Variants in OPCML observed in about 807,000 individuals in gnomAD.
OPCML encodes opioid-binding protein/cell adhesion molecule.
In OPCML, 13 loss-of-function variants were observed where a neutral mutation model predicts 37.8. The observed-to-expected ratio is 0.34, with a 90% CI of 0.22 to 0.55. The LOEUF (loss-of-function observed/expected upper bound fraction) is 0.55, where lower values mean the gene tolerates loss of function less well. OPCML is among the 20% of genes least tolerant of loss of function. The pLI is 0.91. For missense variants in OPCML, 341 were observed against 435.6 expected, an observed-to-expected ratio of 0.78 and a Z score of 1.93; for synonymous variants, 176 against 168.8, an observed-to-expected ratio of 1.04 and a Z score of -0.33.
intron 4 of OPCML, among the ~76,000 whole-genome samples, chr11:132,457,816 T>A (rs536709159): frequency 6.6e-6 from 1 of 152,340 alleles, no homozygotes; most frequent in East Asian, 1.9e-4. Flanking sequence ...TCTCTTCCTA[T>A]GTTATGCTCA....
chr11:132,818,098 T>C (rs558055446), intron 2 of OPCML, among the ~76,000 whole-genome samples: 2 of 152,198 alleles, frequency 1.3e-5, no homozygotes, highest in Admixed American at 1.3e-4. Flanking sequence ...ACTGACAATC[T>C]GGGGCTATAC....
intron 1 of OPCML, among the ~76,000 whole-genome samples, chr11:133,306,836 C>T (rs1272032231): frequency 6.6e-6 from 1 of 152,120 alleles, no homozygotes; most frequent in South Asian, 2.1e-4. Flanking sequence ...TTTTCCATGC[C>T]AGAATCTGAT....
intron 2 of OPCML, among the ~76,000 whole-genome samples, chr11:132,937,435 G>A (rs1364350212): frequency 6.6e-6 from 1 of 152,090 alleles, no homozygotes. Context: ...TATTTCTAAT[G>A]CTTTAAAACG....
intron 1 of OPCML, chr11:133,026,466 C>T: frequency 1.0e-6 from 1 of 985,426 alleles, no homozygotes; most frequent in Non-Finnish European, 1.2e-6. Flanking sequence ...TTTGCAACCT[C>T]ATCCTGAACA....
At chr11:133,074,990 C>T (rs118174355) in intron 1 of OPCML, among the ~76,000 whole-genome samples, 1,774 of 152,214 alleles carry the variant, frequency 0.012, 17 homozygotes, top group Non-Finnish European at 0.017. Flanking sequence ...GGAAGTGGCA[C>T]CTAGGGCAAG....
chr11:132,961,948 T>A (rs1212840483), intron 1 of OPCML, among the ~76,000 whole-genome samples: 2 of 152,232 alleles, frequency 1.3e-5, no homozygotes, highest in Non-Finnish European at 2.9e-5. Flanking sequence ...GCACTCCCTC[T>A]GTCTTCTGGA....
At chr11:133,450,125 G>A (rs751611840) in intron 1 of OPCML, among the ~76,000 whole-genome samples, 8 of 151,776 alleles carry the variant, frequency 5.3e-5, no homozygotes, top group Non-Finnish European at 1.0e-4. Flanking sequence ...GAATTGCTGA[G>A]AAGCTCATAC....
At chr11:132,977,454 G>C (rs937725112) in intron 1 of OPCML, among the ~76,000 whole-genome samples, 1 of 152,196 alleles carries the variant, frequency 6.6e-6, no homozygotes, top group Non-Finnish European at 1.5e-5. Context: ...CTCATAGATA[G>C]CTATCTACTC....
intron 1 of OPCML, among the ~76,000 whole-genome samples, chr11:133,315,045 T>C (rs369549968): frequency 6.6e-6 from 1 of 152,254 alleles, no homozygotes; most frequent in East Asian, 1.9e-4. Context: ...CTGAACCATG[T>C]AAAACCTAAC....
At chr11:133,296,467 T>C (rs1391824826) in intron 1 of OPCML, among the ~76,000 whole-genome samples, 1 of 152,186 alleles carries the variant, frequency 6.6e-6, no homozygotes, top group Admixed American at 6.5e-5. Context: ...ACTCTGATCA[T>C]AGAGGTGATA....
intron 4 of OPCML, among the ~76,000 whole-genome samples, chr11:132,498,279 G>A (rs1210250446): frequency 3.9e-5 from 6 of 152,208 alleles, no homozygotes; most frequent in African/African-American, 1.4e-4. Flanking sequence ...TAATGGTCCA[G>A]CTGAAGTCCT....
At chr11:132,510,654 T>G (rs1368914634) in intron 4 of OPCML, among the ~76,000 whole-genome samples, 2 of 152,208 alleles carry the variant, frequency 1.3e-5, no homozygotes, top group African/African-American at 4.8e-5. Context: ...GCTGCCACCA[T>G]GTAAGAAATA....
intron 1 of OPCML, among the ~76,000 whole-genome samples, chr11:133,193,863 AT>A (rs1344936030): frequency 6.6e-6 from 1 of 152,214 alleles, no homozygotes; most frequent in Non-Finnish European, 1.5e-5. Context: ...AATTTTAAGA[AT>A]TACAATAATA....
intron 3 of OPCML, among the ~76,000 whole-genome samples, chr11:132,651,335 G>T (rs1469272801): frequency 1.3e-5 from 2 of 152,188 alleles, no homozygotes; most frequent in African/African-American, 4.8e-5. Context: ...GTCTTGGAAA[G>T]GTGTGCCTTT....
intron 1 of OPCML, among the ~76,000 whole-genome samples, chr11:132,944,336 C>T (rs1276939886): frequency 1.3e-5 from 2 of 152,184 alleles, no homozygotes; most frequent in Non-Finnish European, 2.9e-5. Context: ...AACTACCCTG[C>T]CCACGCCAGA....
chr11:133,152,981 G>A (rs2137195514), intron 1 of OPCML, among the ~76,000 whole-genome samples: 1 of 152,122 alleles, frequency 6.6e-6, no homozygotes, highest in East Asian at 1.9e-4. Context: ...ATTGGCGAGG[G>A]AGCAGTCTCC....
At chr11:132,954,926 A>C (rs1046154917) in intron 1 of OPCML, among the ~76,000 whole-genome samples, 1 of 152,174 alleles carries the variant, frequency 6.6e-6, no homozygotes, top group Non-Finnish European at 1.5e-5. Flanking sequence ...AGAAGAAAAG[A>C]GTGGCTAGCG....
At chr11:132,850,117 T>C (rs544079020) in intron 2 of OPCML, among the ~76,000 whole-genome samples, 11 of 152,318 alleles carry the variant, frequency 7.2e-5, no homozygotes, top group Non-Finnish European at 1.6e-4. Flanking sequence ...GTCTTGTGTT[T>C]AGCCCTCCCT....
At chr11:133,194,047 T>C (rs1461687995) in intron 1 of OPCML, among the ~76,000 whole-genome samples, 2 of 152,090 alleles carry the variant, frequency 1.3e-5, no homozygotes, top group East Asian at 1.9e-4. Flanking sequence ...AATGTCCACA[T>C]TTTGTTCATT....
Sources: gnomAD v4.1 joint callset for allele counts (sites outside exome capture counted in the v4.1 genomes callset) on GRCh38, gnomAD v4.1.1 for gene constraint, MANE v1.5 for transcripts, NCBI Gene and HGNC (gene_info 2026-07-23, HGNC 2026-07-21) for gene names.